The following DDX31 variants were observed in gnomAD, a reference collection of about 807,000 sequenced individuals.
DDX31 encodes the protein DEAD-box helicase 31, also known as ATP-dependent DNA helicase DDX31.
A neutral mutation model predicts 91.3 loss-of-function variants in DDX31; 70 were observed. That is an observed-to-expected ratio of 0.77 (90% CI 0.63 to 0.94). The LOEUF is 0.94. Among genes scored for constraint, DDX31 ranks in the 40% least tolerant of loss-of-function variants. The probability of loss-of-function intolerance (pLI) is 0.00; values close to 1 mark genes in which losing one functional copy is unlikely to be tolerated. For missense variants in DDX31, 902 were observed against 925.0 expected, an observed-to-expected ratio of 0.98 and a Z score of 0.32; for synonymous variants, 362 against 350.6, an observed-to-expected ratio of 1.03 and a Z score of -0.36.
chr9:132,666,847 T>C (rs192369487), intron 1 of DDX31, among the ~76,000 whole-genome samples: 43 of 151,920 alleles, frequency 2.8e-4, no homozygotes, highest in African/African-American at 9.9e-4. Context: ...GCTTGGACTA[T>C]AGTCACCCAC....
intron 11 of DDX31, among the ~76,000 whole-genome samples, chr9:132,647,703 C>T (rs1009283081): frequency 1.3e-5 from 2 of 152,102 alleles, no homozygotes; most frequent in Non-Finnish European, 1.5e-5. Flanking sequence ...TCCAAGCCTT[C>T]GTGTTCCCAG....
intron 13 of DDX31, among the ~76,000 whole-genome samples, 197 bp from the exon 14 acceptor site, chr9:132,642,260 C>G (rs182447243): frequency 1.3e-4 from 20 of 152,280 alleles, no homozygotes; most frequent in Admixed American, 1.2e-3. Flanking sequence ...GGACTTGAGG[C>G]TACAGCCAAG....
At chr9:132,619,860 G>A (rs534507771) in intron 17 of DDX31, among the ~76,000 whole-genome samples, 2 of 149,608 alleles carry the variant, frequency 1.3e-5, no homozygotes, top group Non-Finnish European at 3.0e-5. Flanking sequence ...CCTCAGCAGC[G>A]CAACTGTCAC....
At chr9:132,658,601 C>G (rs1054433464) in intron 6 of DDX31, 70 bp downstream of exon 6, 2 of 1,385,316 alleles carry the variant, frequency 1.4e-6, no homozygotes, top group South Asian at 1.2e-5. Context: ...CCTAATATTT[C>G]TGTTATGCTT....
chr9:132,614,738 A>G (rs1291867148), intron 18 of DDX31, among the ~76,000 whole-genome samples: 1 of 152,154 alleles, frequency 6.6e-6, no homozygotes, highest in African/African-American at 2.4e-5. Flanking sequence ...GTGCCCAGCT[A>G]ACAGCTTTAC....
At chr9:132,655,057 CCCTTT>C (rs1010384729) in intron 6 of DDX31, among the ~76,000 whole-genome samples, 3 of 151,976 alleles carry the variant, frequency 2.0e-5, no homozygotes, top group Admixed American at 6.6e-5. Context: ...CTGGCATATT[CCCTTT>C]CAAGTTTAAT....
intron 5 of DDX31, 43 bp from the exon 6 acceptor site, chr9:132,658,778 C>T: frequency 3.2e-6 from 5 of 1,575,084 alleles, no homozygotes; most frequent in Non-Finnish European, 4.3e-6. Context: ...ACACACCCTA[C>T]AGATGTTTAA....
At chr9:132,647,536 C>G (rs991122727) in intron 11 of DDX31, among the ~76,000 whole-genome samples, 1 of 152,140 alleles carries the variant, frequency 6.6e-6, no homozygotes, top group East Asian at 1.9e-4. Context: ...AAAATTAGAA[C>G]ATAGGGAACT....
rs1013302730 is a variant in DDX31 at position 132,593,141 on chromosome 9, C to T, written c.*1725G>A. 6.6e-6 allele frequency: 1 copy of T among 152,122 alleles called. No homozygotes were observed. Among genetic ancestry groups the T allele is most frequent in the Admixed American group, 6.5e-5 (1 of 15,278 alleles). The allele number at this position is 152,122 out of a possible 1,614,324, so 9.4% of individuals were successfully genotyped here. ...CCCACATAGCATCTATGGCAAGAAA[C>T]CCTCACCATAAGAGTTAGCAGATTA... On this transcript the variant is annotated 3_prime_UTR_variant, in exon 20 of 20. Transcript: ENST00000372159.
At chr9:132,613,208 T>G (rs1831445823) in intron 18 of DDX31, among the ~76,000 whole-genome samples, 1 of 152,300 alleles carries the variant, frequency 6.6e-6, no homozygotes, top group South Asian at 2.1e-4. Context: ...TAAAACCAAG[T>G]TCATTCTAAA....
intron 18 of DDX31, among the ~76,000 whole-genome samples, chr9:132,617,275 C>T (rs1831699099): frequency 6.6e-6 from 1 of 152,106 alleles, no homozygotes; most frequent in Non-Finnish European, 1.5e-5. Flanking sequence ...CACTCTGACC[C>T]CATTAAAAAT....
intron 19 of DDX31, among the ~76,000 whole-genome samples, chr9:132,606,227 A>G (rs111741509): frequency 1.3e-5 from 2 of 152,224 alleles, no homozygotes; most frequent in African/African-American, 4.8e-5. Flanking sequence ...TGAAATCGAG[A>G]AAGTTTTCAC....
chr9:132,653,323 G>T (rs931582214), intron 6 of DDX31, among the ~76,000 whole-genome samples: 8 of 150,636 alleles, frequency 5.3e-5, no homozygotes, highest in Non-Finnish European at 1.2e-4. Flanking sequence ...GTGAAACCCC[G>T]TCTCTACTAA....
intron 1 of DDX31, among the ~76,000 whole-genome samples, chr9:132,667,264 C>G (rs1230802660): frequency 1.3e-5 from 2 of 152,082 alleles, no homozygotes; most frequent in African/African-American, 4.8e-5. Context: ...AGGCTACTGG[C>G]AAGTCTCATC....
chr9:132,647,087 G>A, intron 11 of DDX31, 29 bp from the exon 12 acceptor site: 2 of 1,605,860 alleles, frequency 1.2e-6, no homozygotes, highest in South Asian at 2.2e-5. Flanking sequence ...GGGCAAAGCA[G>A]ACAACAAACA....
At chr9:132,629,768 C>G (rs552602247) in intron 16 of DDX31, among the ~76,000 whole-genome samples, 2 of 152,338 alleles carry the variant, frequency 1.3e-5, no homozygotes, top group East Asian at 3.8e-4. Flanking sequence ...CTGTGACACA[C>G]AAGATGGCAG....
At chr9:132,659,812 C>A in intron 4 of DDX31, 32 bp from the exon 5 acceptor site, 1 of 1,603,376 alleles carries the variant, frequency 6.2e-7, no homozygotes, top group Non-Finnish European at 8.5e-7. Context: ...ACACACTTTA[C>A]CTATATTACC....
At chr9:132,613,335 G>A (rs1831453415) in intron 18 of DDX31, among the ~76,000 whole-genome samples, 1 of 152,230 alleles carries the variant, frequency 6.6e-6, no homozygotes, top group South Asian at 2.1e-4. Context: ...GTCCCTTGAG[G>A]ACTGACAACA....
At chr9:132,643,607 G>A (rs1833636337) in intron 13 of DDX31, among the ~76,000 whole-genome samples, 1 of 152,114 alleles carries the variant, frequency 6.6e-6, no homozygotes, top group Admixed American at 6.5e-5. Context: ...ACAACCCTAT[G>A]TGTAAGTACT....
Sources: allele counts gnomAD v4.1 joint callset (sites outside exome capture counted in the v4.1 genomes callset), GRCh38; gene constraint gnomAD v4.1.1; transcripts MANE v1.5; gene names NCBI Gene and HGNC (gene_info 2026-07-23, HGNC 2026-07-21).